The following RPS6KA2 variants were observed in gnomAD, a reference collection of about 807,000 sequenced individuals.
RPS6KA2 encodes the protein ribosomal protein S6 kinase A2.
A neutral mutation model predicts 91.8 loss-of-function variants in RPS6KA2; 42 were observed. That is an observed-to-expected ratio of 0.46 (90% CI 0.36 to 0.59). The LOEUF (loss-of-function observed/expected upper bound fraction) is 0.59. Among genes scored for constraint, RPS6KA2 ranks in the 20% least tolerant of loss-of-function variants. The probability of loss-of-function intolerance (pLI) is 0.00; values close to 1 mark genes in which losing one functional copy is unlikely to be tolerated. For synonymous variants in RPS6KA2, 414 were observed against 393.6 expected (o/e 1.05, Z -0.61); for missense variants, 798 against 978.5 (o/e 0.82, Z 2.46).
At chr6:166,657,540 C>A (rs967044060) in intron 2 of RPS6KA2, among the ~76,000 whole-genome samples, 7 of 152,034 alleles carry the variant, frequency 4.6e-5, no homozygotes, top group African/African-American at 1.7e-4. Context: ...CTTGTGGGAA[C>A]CAGGGGAGGG....
At chr6:166,497,510 A>G (rs1781832572) in intron 8 of RPS6KA2, among the ~76,000 whole-genome samples, 1 of 152,212 alleles carries the variant, frequency 6.6e-6, no homozygotes, top group Non-Finnish European at 1.5e-5. Context: ...CGGAGAGGTG[A>G]GCAGCCCGTG....
Position 166,557,977 on chromosome 6 carries a change from T to G in RPS6KA2, c.100-19193A>C, listed in dbSNP as rs967270287. Among the ~76,000 whole-genome samples the G allele has an allele frequency of 3.3e-5, 5 of 149,778 alleles. No homozygotes were observed. The highest frequency in any genetic ancestry group is 7.5e-5 in the African/African-American group (3 of 40,132). Reference sequence around the variant, plus strand: ...AGATGTATATGTATATACAGAGGGGTGTGTGTGTGTGTGTATATATGTATG... The same window carrying G: ...AGATGTATATGTATATACAGAGGGGGGTGTGTGTGTGTGTATATATGTATG... On this transcript the variant is annotated intron_variant, in intron 1 of 20. Coordinates refer to ENST00000265678, the MANE Select transcript of RPS6KA2 (RefSeq NM_021135.6). This position sits in a 1 kb window ranked among gnomAD's most constrained non-coding sequence, Gnocchi z 4.8.
intron 1 of RPS6KA2, among the ~76,000 whole-genome samples, chr6:166,541,967 A>G (rs1783671860): frequency 1.3e-5 from 2 of 152,206 alleles, no homozygotes; most frequent in East Asian, 3.8e-4. Context: ...CGTCAATGGA[A>G]AAAAATCCCC....
rs117133829 is a variant in RPS6KA2 at position 166,671,027 on chromosome 6, G to T, written c.124-132243C>A. ...AGGTTTTCGCCCCATTGGCCAGGTTGGTCTTAAACTCCTGTCCTGAAGTGA... is the reference window on the plus strand; with the variant it reads ...AGGTTTTCGCCCCATTGGCCAGGTTTGTCTTAAACTCCTGTCCTGAAGTGA... On this transcript the variant is annotated intron_variant, in intron 2 of 21. Transcript: ENST00000503859. Among the ~76,000 whole-genome samples, 1,415 of 152,174 alleles carry T rather than the reference G, an allele frequency of 9.3e-3. 17 individuals carry two copies. The highest frequency in any genetic ancestry group is 0.014 in the Non-Finnish European group (955 of 67,998).
At chr6:166,747,634 G>C (rs1393517682) in intron 2 of RPS6KA2, among the ~76,000 whole-genome samples, 1 of 152,182 alleles carries the variant, frequency 6.6e-6, no homozygotes, top group Non-Finnish European at 1.5e-5. Flanking sequence ...GCAGGGGGAA[G>C]GGGGATACTG....
chr6:166,516,591 G>A (rs1414999095), intron 3 of RPS6KA2, among the ~76,000 whole-genome samples: 1 of 152,220 alleles, frequency 6.6e-6, no homozygotes, highest in African/African-American at 2.4e-5. Context: ...CAGCCAACGG[G>A]GCTGCCATTG....
intron 2 of RPS6KA2, among the ~76,000 whole-genome samples, chr6:166,850,187 A>G (rs1780703937): frequency 7.0e-6 from 1 of 142,378 alleles, no homozygotes; most frequent in Non-Finnish European, 1.6e-5. Flanking sequence ...CTGCATGTAC[A>G]TTACAAGGGT....
chr6:166,553,878 C>T (rs1784096720), intron 1 of RPS6KA2, among the ~76,000 whole-genome samples: 1 of 150,898 alleles, frequency 6.6e-6, no homozygotes, highest in East Asian at 2.0e-4. Context: ...AACATTAGCG[C>T]AAATCCCCAC....
At chr6:166,504,413 A>C in intron 6 of RPS6KA2, 93 bp downstream of exon 6, 1 of 748,682 alleles carries the variant, frequency 1.3e-6, no homozygotes, top group Non-Finnish European at 2.3e-6. Context: ...TCATTTAGGA[A>C]ATAAATATCT....
At position 166,767,361 on chromosome 6, in the gene RPS6KA2, G is replaced by A. The variant is rs537432262; in HGVS notation, c.123+90839C>T. On this transcript the variant is annotated intron_variant, in intron 2 of 21. Coordinates refer to the RPS6KA2 transcript ENST00000503859. This position sits in a 1 kb window ranked among gnomAD's most constrained non-coding sequence, Gnocchi z 4.6. The stretch of plus-strand genomic sequence containing the variant: ...ACAGAAAAATCACTCCTCTAACCAA[G>A]ACCACAAAGGCCGCGCGGATCAATG... 6.6e-6 allele frequency among the ~76,000 whole-genome samples: 1 copy of A among 151,544 alleles called. No homozygotes were observed. The highest frequency in any genetic ancestry group is 1.5e-5 in the Non-Finnish European group (1 of 68,026).
At chr6:166,652,956 C>T (rs1163479552) in intron 2 of RPS6KA2, among the ~76,000 whole-genome samples, 8 of 152,238 alleles carry the variant, frequency 5.3e-5, no homozygotes, top group Non-Finnish European at 1.2e-4. Context: ...CAGCAGCAGG[C>T]TATTTGCCAG....
chr6:166,430,432 T>C, intron 16 of RPS6KA2, 21 bp downstream of exon 16: 3 of 1,596,344 alleles, frequency 1.9e-6, no homozygotes, highest in Non-Finnish European at 2.6e-6. Flanking sequence ...CCCCGAAGGC[T>C]GCCCCAGGCA....
intron 2 of RPS6KA2, among the ~76,000 whole-genome samples, chr6:166,768,049 T>C (rs1159490440): frequency 6.6e-6 from 1 of 152,222 alleles, no homozygotes. Flanking sequence ...CAATTACTTT[T>C]TCTTTGTTCA....
At chr6:166,616,519 C>T (rs1786418881) in intron 1 of RPS6KA2, among the ~76,000 whole-genome samples, 1 of 152,234 alleles carries the variant, frequency 6.6e-6, no homozygotes, top group South Asian at 2.1e-4. Flanking sequence ...CGGACAGCTC[C>T]GGTAGGTGCA....
intron 1 of RPS6KA2, among the ~76,000 whole-genome samples, chr6:166,860,904 T>A (rs1781032301): frequency 6.6e-6 from 1 of 152,106 alleles, no homozygotes; most frequent in Admixed American, 6.5e-5. Context: ...AACAACCCCA[T>A]GTACAAACAG....
At chr6:166,475,937 T>A in intron 10 of RPS6KA2, 1 of 433,580 alleles carries the variant, frequency 2.3e-6, no homozygotes, top group Non-Finnish European at 4.8e-6. Context: ...TCAATATCTG[T>A]GCAGAAACTC....
rs148176176 is a variant in RPS6KA2, at chr6:166,445,630, C to G, written c.1332+3094G>C. 1.6e-3 allele frequency among the ~76,000 whole-genome samples: 238 copies of G among 152,316 alleles called. 1 individual carries two copies. The highest frequency in any genetic ancestry group is 5.6e-3 in the African/African-American group (231 of 41,568). ...CTGGGCAGAATCCATCGATTCTGGT[C>G]ACTCTCCTCATTGCTTACTAAAGAT... is the stretch of plus-strand genomic sequence containing the variant. On this transcript the variant is annotated intron_variant, in intron 14 of 20. Transcript: ENST00000265678. This position sits in a 1 kb window ranked among gnomAD's most constrained non-coding sequence, Gnocchi z 4.5.
intron 1 of RPS6KA2, among the ~76,000 whole-genome samples, chr6:166,609,255 G>A (rs1269668866): frequency 1.3e-5 from 2 of 152,144 alleles, no homozygotes; most frequent in Non-Finnish European, 2.9e-5. Flanking sequence ...CTAAAAAGTG[G>A]CTCTTTCTGC....
chr6:166,684,289 A>G (rs973481170), intron 2 of RPS6KA2, among the ~76,000 whole-genome samples: 3 of 152,192 alleles, frequency 2.0e-5, no homozygotes, highest in African/African-American at 7.2e-5. Context: ...CAATGACCCC[A>G]CAACCCAAAA....
Sources: allele counts gnomAD v4.1 joint callset (sites outside exome capture counted in the v4.1 genomes callset), GRCh38; gene constraint gnomAD v4.1.1; non-coding constraint Gnocchi (gnomAD v3.1); transcripts MANE v1.5; gene names NCBI Gene and HGNC (gene_info 2026-07-23, HGNC 2026-07-21).